Variants in DISP2 observed in about 807,000 individuals in gnomAD.
DISP2 encodes dispatched RND transporter family member 2, also known as protein dispatched homolog 2.
A neutral mutation model predicts 95.5 loss-of-function variants in DISP2; 59 were observed. The observed-to-expected ratio is 0.62, with a 90% CI of 0.50 to 0.77. The LOEUF (loss-of-function observed/expected upper bound fraction) is 0.77. Ranked by LOEUF, DISP2 falls within the 30% of genes least tolerant of loss-of-function variation. The pLI is 0.00. For synonymous variants in DISP2, 827 were observed against 815.0 expected (o/e 1.01, Z -0.25); for missense variants, 1,752 against 1,854.6 (o/e 0.94, Z 1.02).
At position 40,367,783 on chromosome 15, in the gene DISP2, C is replaced by T. The variant is rs1889528878; in HGVS notation, c.1671C>T (p.Asn557=). The change falls in exon 8 of 8, where the codon AAC becomes AAT. Residue 557 remains asparagine, a synonymous_variant. Transcript: ENST00000267889. ...TCCTGCTGAGCAGCGTCTGCGCCAA[C>T]CACACGCTCATCTTCTTCGACCTGT... is the stretch of plus-strand genomic sequence containing the variant. ...ALLLLSSVCA[N]HTLIFFDLWR... The T allele has an allele frequency of 6.2e-7, 1 of 1,608,950 alleles. No individual in the cohort carries two copies. Among genetic ancestry groups the T allele is most frequent in the Non-Finnish European group, 8.5e-7 (1 of 1,180,018 alleles).
In DISP2 at chr15:40,369,419, G is replaced by A; in HGVS notation, c.3307G>A (p.Ala1103Thr). Residue 1103 changes from alanine to threonine, a missense_variant, in exon 8 of 8, where the codon GCC becomes ACC. This residue lies in a region of DISP2 where 317 missense variants were observed against 394.9 expected (regional missense o/e 0.80). Transcript: ENST00000267889. Reference sequence around the variant, plus strand: ...GGTCAAATGCGTCAGTTGTGGCTTTGCCAGCTTCTTCTTCCAATCTCTCTG... The same window carrying A: ...GGTCAAATGCGTCAGTTGTGGCTTTACCAGCTTCTTCTTCCAATCTCTCTG... Reference protein sequence around the residue: ...MMVKCVSCGFASFFFQSLCCF... With the variant: ...MMVKCVSCGFTSFFFQSLCCF... The A allele has an allele frequency of 6.2e-7, 1 of 1,613,588 alleles. No homozygotes were observed. The highest frequency in any genetic ancestry group is 8.5e-7 in the Non-Finnish European group (1 of 1,180,030).
intron 1 of DISP2, among the ~76,000 whole-genome samples, chr15:40,358,963 C>T (rs1889365040): frequency 1.3e-5 from 2 of 152,258 alleles, no homozygotes; most frequent in Non-Finnish European, 2.9e-5. Flanking sequence ...CAGCTGTGCA[C>T]GTGTGGGTTC....
chr15:40,363,056 C>A (rs1410967994), intron 1 of DISP2, among the ~76,000 whole-genome samples: 1 of 151,892 alleles, frequency 6.6e-6, no homozygotes, highest in African/African-American at 2.4e-5. Context: ...GTAATCCTAG[C>A]ACTTTGGGAG....
intron 1 of DISP2, among the ~76,000 whole-genome samples, chr15:40,362,633 A>G (rs1006237767): frequency 1.3e-5 from 2 of 152,262 alleles, no homozygotes; most frequent in African/African-American, 4.8e-5. Flanking sequence ...TGCTATGAAA[A>G]AAATATAAAG....
Position 40,364,850 on chromosome 15 carries a change from C to T in DISP2, c.616C>T (p.Arg206Trp), listed in dbSNP as rs763167909. The T allele has an allele frequency of 6.2e-6, 10 of 1,613,870 alleles. No individual in the cohort carries two copies. Among genetic ancestry groups the T allele is most frequent in the South Asian group, 4.4e-5 (4 of 91,066 alleles). ...FSKPLLGFEP[R>W]DTDIGSKLVV... Reference sequence around the variant, plus strand: ...CTCCTCCCTGCAGGGCTTTGAGCCACGGGACACAGACATTGGGAGCAAGTT... The same window carrying T: ...CTCCTCCCTGCAGGGCTTTGAGCCATGGGACACAGACATTGGGAGCAAGTT... The change falls in exon 5 of 8, where the codon CGG becomes TGG. Residue 206 changes from arginine (R) to tryptophan (W), a missense_variant. By Grantham distance (101) the Arg-to-Trp change is moderately radical. This residue lies in a region of DISP2 where 342 missense variants were observed against 364.3 expected (regional missense o/e 0.94). Coordinates refer to ENST00000267889, the MANE Select transcript of DISP2 (RefSeq NM_033510.3).
rs768842226 is a variant in DISP2 at position 40,368,275 on chromosome 15, C to G, written c.2163C>G (p.Ala721=). 6.2e-7 allele frequency: 1 copy of G among 1,608,426 alleles called. No homozygotes were observed. Among genetic ancestry groups the G allele is most frequent in the South Asian group, 1.1e-5 (1 of 90,916 alleles). The change falls in exon 8 of 8, where the codon GCC becomes GCG. Residue 721 remains alanine (A), a synonymous_variant. Transcript: ENST00000267889. ...TGGCGGCAGGGGGCGCCTACATCGC[C>G]GGAGTCAGCCCCCGCCTGCGGCTGC... The part of the protein sequence containing the change: ...AALAAGGAYI[A]GVSPRLRLPT...
chr15:40,370,158 A>G lies in DISP2; in HGVS notation c.4046A>G (p.Tyr1349Cys). ...TLWLALRETV[Y>C]DPSLPASHHS... The stretch of plus-strand genomic sequence containing the variant: ...TGGCTGGCGCTGAGGGAGACAGTGT[A>G]TGACCCATCATTGCCCGCTTCCCAT... The change falls in exon 8 of 8, where the codon TAT (tyrosine) becomes TGT (cysteine). Residue 1349 changes from tyrosine (Y) to cysteine (C), a missense_variant. By Grantham distance (194) the Tyr-to-Cys change is radical (BLOSUM62 -2). Around this residue, in one of 5 missense-constraint regions of DISP2, gnomAD observed 347 missense variants for 344.2 expected, o/e 1.01. Coordinates refer to ENST00000267889, the MANE Select transcript of DISP2 (RefSeq NM_033510.3). 1.9e-6 allele frequency: 3 copies of G among 1,612,078 alleles called. No individual in the cohort carries two copies. Among genetic ancestry groups the G allele is most frequent in the African/African-American group, 1.3e-5 (1 of 75,056 alleles).
rs774241523 is a variant in DISP2, at chr15:40,368,161, G to A, written c.2049G>A (p.Ala683=). The A allele has an allele frequency of 4.5e-6, 7 of 1,549,026 alleles. No individual in the cohort carries two copies. The highest frequency in any genetic ancestry group is 2.5e-5 in the East Asian group (1 of 39,548). ...GGCTCCGCGGCCTGCGGAGGGCGGC[G>A]GCTGGCACCTCGCGTCTGCTCTTCC... ...HRRLRGLRRA[A]AGTSRLLFQR... The change falls in exon 8 of 8, where the codon GCG becomes GCA. Residue 683 remains alanine, a synonymous_variant. Transcript: ENST00000267889.
In DISP2 at chr15:40,377,677, T is replaced by C. The variant is rs755891806; in HGVS notation, c.*7359T>C. ...GTACTGGAGAGGAGAAAGGTGGATA[T>C]ATAGAGAATTCTGGGGATCTGCAAA... is the stretch of plus-strand genomic sequence containing the variant. On this transcript the variant is annotated 3_prime_UTR_variant, in exon 8 of 8. Transcript: ENST00000267889. 1.3e-5 allele frequency: 2 copies of C among 152,254 alleles called. No individual in the cohort carries two copies. Among genetic ancestry groups the C allele is most frequent in the Non-Finnish European group, 2.9e-5 (2 of 68,138 alleles). 9.4% of individuals were successfully genotyped at this position (152,254 alleles called of 1,614,324 possible).
Position 40,367,187 on chromosome 15 carries a change from G to A in DISP2, c.1075G>A (p.Ala359Thr). 1 of 1,614,014 alleles carries A rather than the reference G, an allele frequency of 6.2e-7. No individual in the cohort carries two copies. Among genetic ancestry groups the A allele is most frequent in the Non-Finnish European group, 8.5e-7 (1 of 1,180,016 alleles). Residue 359 changes from alanine (A) to threonine (T), a missense_variant, in exon 8 of 8, where the codon GCT (alanine) becomes ACT (threonine). Coordinates refer to ENST00000267889, the MANE Select transcript of DISP2 (RefSeq NM_033510.3). ...NRSSCLDTTQ[A>T]DAARTLALLR... ...CTCCTCCTGCCTGGACACTACCCAA[G>A]CTGACGCAGCCCGCACACTGGCCCT...
At chr15:40,359,558 G>C (rs1024635738) in intron 1 of DISP2, among the ~76,000 whole-genome samples, 13 of 152,238 alleles carry the variant, frequency 8.5e-5, no homozygotes, top group Non-Finnish European at 1.6e-4. Flanking sequence ...AGGACAGAGC[G>C]AGGACCTGGG....
Position 40,363,738 on chromosome 15 carries a change from C to A in DISP2, c.233C>A (p.Thr78Asn). The change falls in exon 2 of 8, where the codon ACC becomes AAC. Residue 78 changes from threonine to asparagine, a missense_variant. Physicochemically the swap from Thr to Asn is moderately conservative, Grantham distance 65 (BLOSUM62 0). Transcript: ENST00000267889. ...SSSGPPPTTSTLQPVGPSSPL... is the reference protein window; with the variant it reads ...SSSGPPPTTSNLQPVGPSSPL... ...TCAGGACCCCCACCAACAACTTCCA[C>A]CCTCCAGCCTGTGGGTCCATCCAGC... 1.9e-6 allele frequency: 3 copies of A among 1,613,796 alleles called. No individual in the cohort carries two copies. The highest frequency in any genetic ancestry group is 2.5e-6 in the Non-Finnish European group (3 of 1,179,848).
chr15:40,366,347 G>A (rs1047074370), intron 7 of DISP2, among the ~76,000 whole-genome samples: 8 of 152,198 alleles, frequency 5.3e-5, no homozygotes, highest in African/African-American at 1.9e-4. Context: ...GATGATAAAC[G>A]TACTTTCCTC....
At position 40,368,763 on chromosome 15, in the gene DISP2, C is replaced by A. The variant is rs1421097399; in HGVS notation, c.2651C>A (p.Pro884His). Residue 884 changes from proline (P) to histidine (H), a missense_variant, in exon 8 of 8, where the codon CCC becomes CAC. Pro to His is a moderately conservative substitution (Grantham distance 77, BLOSUM62 -2). Coordinates refer to ENST00000267889, the MANE Select transcript of DISP2 (RefSeq NM_033510.3). ...CLKMMALEQG[P>H]DGTQDLGLRF... ...AAAATGATGGCTCTGGAGCAAGGCC[C>A]CGATGGCACCCAGGACCTGGGACTC... The A allele has an allele frequency of 6.2e-7, 1 of 1,613,840 alleles. No individual in the cohort carries two copies. Among genetic ancestry groups the A allele is most frequent in the South Asian group, 1.1e-5 (1 of 91,092 alleles).
chr15:40,369,881 G>A lies in DISP2; in HGVS notation c.3769G>A (p.Ala1257Thr), dbSNP rs746475150. ...CAGGCAGGACTCCCAAGGGGAGGAG[G>A]CTGAGCCCCTGCCAGCCTCACCAGA... ...RARQDSQGEE[A>T]EPLPASPEAP... The change falls in exon 8 of 8, where the codon GCT (alanine) becomes ACT (threonine). Residue 1257 changes from alanine (A) to threonine (T), a missense_variant. Ala to Thr is a moderately conservative substitution (Grantham distance 58). This residue lies in a region of DISP2 where 347 missense variants were observed against 344.2 expected (regional missense o/e 1.01). Transcript: ENST00000267889. The A allele has an allele frequency of 5.1e-6, 8 of 1,564,992 alleles. No homozygotes were observed. The Admixed American group carries it at 5.5e-5, about 11-fold the overall frequency.
chr15:40,370,210 AG>A lies in DISP2; in HGVS notation c.4104del (p.Pro1369GlnfsTer87). ...HHSSLSWKGRGGPGDGSPVVL... is the reference protein window; with the variant it reads ...HHSSLSWKGRXGPGDGSPVVL... Reference sequence around the variant, plus strand: ...ACAGCAGCTTGTCCTGGAAGGGCCGAGGGGGGCCAGGGGATGGCAGCCCTGT... The same window carrying A: ...ACAGCAGCTTGTCCTGGAAGGGCCGAGGGGGCCAGGGGATGGCAGCCCTGT... On this transcript the variant is annotated frameshift_variant, in exon 8 of 8. Coordinates refer to ENST00000267889, the MANE Select transcript of DISP2 (RefSeq NM_033510.3). LOFTEE classifies it high-confidence loss of function. 1.9e-6 allele frequency: 3 copies of A among 1,609,792 alleles called. No homozygotes were observed.
In DISP2 at chr15:40,364,104, G is replaced by A. The variant is rs888017575; in HGVS notation, c.450-122G>A. On this transcript the variant is annotated intron_variant, in intron 2 of 7. Transcript: ENST00000267889. ...GGTTGGAACTTGGGAGTGGCAAAGC[G>A]CTAAAAGGGTTAATACCATGGGTTA... 5.3e-6 allele frequency: 8 copies of A among 1,523,056 alleles called. No homozygotes were observed. In the African/African-American group the frequency reaches 5.5e-5, roughly 10 times the overall value. 94.3% of individuals were successfully genotyped at this position (1,523,056 alleles called of 1,614,324 possible).
chr15:40,370,821 T>G lies in DISP2; in HGVS notation c.*503T>G, dbSNP rs1176125208. ...GGACACTTCCCTCTCTTTTGGGAGC[T>G]TCTCTGGGCAGAATTGGGCTGGGAC... On this transcript the variant is annotated 3_prime_UTR_variant, in exon 8 of 8. Transcript: ENST00000267889. The G allele has an allele frequency of 8.6e-6, 3 of 350,420 alleles. No homozygotes were observed. Among genetic ancestry groups the G allele is most frequent in the Non-Finnish European group, 1.7e-5 (3 of 174,302 alleles). 21.7% of individuals were successfully genotyped at this position (350,420 alleles called of 1,614,324 possible).
rs925777305 is a variant in DISP2 at position 40,370,192 on chromosome 15, C to T, written c.4080C>T (p.Ser1360=). 5 of 1,611,952 alleles carry T rather than the reference C, an allele frequency of 3.1e-6. No homozygotes were observed. The African/African-American group carries it at 6.7e-5, about 22-fold the overall frequency. ...DPSLPASHHS[S]LSWKGRGGPG... ...CATTGCCCGCTTCCCATCACAGCAG[C>T]TTGTCCTGGAAGGGCCGAGGGGGGC... is the stretch of plus-strand genomic sequence containing the variant. The change falls in exon 8 of 8, where the codon AGC becomes AGT. Residue 1360 remains serine, a synonymous_variant. Transcript: ENST00000267889.
Sources: allele counts gnomAD v4.1 joint callset (sites outside exome capture counted in the v4.1 genomes callset), GRCh38; gene constraint gnomAD v4.1.1; regional missense constraint gnomAD v4.1.1; transcripts MANE v1.5; gene names NCBI Gene and HGNC (gene_info 2026-07-23, HGNC 2026-07-21).